CDH2: variants seen among roughly 807,000 people sequenced by gnomAD.
CDH2 encodes cadherin 2.
CDH2 carries 17 observed loss-of-function variants against 92.0 expected under a neutral mutation model. The ratio of observed to expected loss-of-function variants is 0.18; its 90% CI spans 0.13 to 0.28. CDH2 has a LOEUF of 0.28. Ranked by LOEUF, CDH2 falls within the 10% of genes least tolerant of loss-of-function variation. The pLI, the probability that CDH2 is intolerant of heterozygous loss-of-function variation, is 1.00. For missense variants in CDH2, 862 were observed against 1,133.1 expected (o/e 0.76, Z 3.44); for synonymous variants, 419 against 415.9 (o/e 1.01, Z -0.09).
At chr18:28,089,951 T>C (rs1258884020) in intron 2 of CDH2, among the ~76,000 whole-genome samples, 1 of 152,188 alleles carries the variant, frequency 6.6e-6, no homozygotes, top group Non-Finnish European at 1.5e-5. Flanking sequence ...TGAATTATGC[T>C]CTTATAAACT....
At chr18:28,005,598 C>G (rs1434787935) in intron 6 of CDH2, among the ~76,000 whole-genome samples, 1 of 152,082 alleles carries the variant, frequency 6.6e-6, no homozygotes, top group Admixed American at 6.5e-5. Context: ...AGGACAGAAT[C>G]AAATACTGTA....
chr18:28,030,756 C>T (rs2013673978), intron 2 of CDH2, among the ~76,000 whole-genome samples: 1 of 151,854 alleles, frequency 6.6e-6, no homozygotes, highest in African/African-American at 2.4e-5. Context: ...GAGATGAAAA[C>T]AAAAATCTTA....
intron 6 of CDH2, among the ~76,000 whole-genome samples, chr18:27,941,131 G>A (rs537361171): frequency 6.6e-6 from 1 of 151,358 alleles, no homozygotes. Context: ...TGCCTCCCGG[G>A]TTCACGCCAT....
intron 13 of CDH2, among the ~76,000 whole-genome samples, chr18:27,984,211 A>G (rs1426617049): frequency 6.6e-6 from 1 of 152,228 alleles, no homozygotes; most frequent in Non-Finnish European, 1.5e-5. Context: ...AAAACATAAA[A>G]GAAATGGCCA....
chr18:28,113,008 C>T lies in CDH2; in HGVS notation c.172+34665G>A, dbSNP rs145256650. 4.0e-3 allele frequency among the ~76,000 whole-genome samples: 608 copies of T among 152,204 alleles called. 7 individuals are homozygous for T. The highest frequency in any genetic ancestry group is 0.014 in the African/African-American group (589 of 41,526). On this transcript the variant is annotated intron_variant, in intron 2 of 15. Transcript: ENST00000269141. ...AGAATGCCAGGGGGGTAGGTAAATG[C>T]ACTGGGAAGTATGTGTGGACTATGA...
At chr18:28,089,240 C>A (rs1200698718) in intron 2 of CDH2, among the ~76,000 whole-genome samples, 1 of 152,056 alleles carries the variant, frequency 6.6e-6, no homozygotes, top group African/African-American at 2.4e-5. Context: ...GATGAGGACA[C>A]CATCAAATGA....
intron 2 of CDH2, among the ~76,000 whole-genome samples, chr18:28,114,984 A>G (rs2015472640): frequency 6.6e-6 from 1 of 152,120 alleles, no homozygotes; most frequent in South Asian, 2.1e-4. Flanking sequence ...GTTGTTCTCA[A>G]CCGTTTTCTT....
At chr18:28,095,165 T>G (rs376607366) in intron 2 of CDH2, among the ~76,000 whole-genome samples, 1 of 152,238 alleles carries the variant, frequency 6.6e-6, no homozygotes, top group East Asian at 1.9e-4. Flanking sequence ...CTTTTTCATA[T>G]GTATATGCTC....
intron 2 of CDH2, among the ~76,000 whole-genome samples, chr18:28,108,783 A>G (rs1419989671): frequency 1.3e-5 from 2 of 152,062 alleles, no homozygotes; most frequent in Non-Finnish European, 2.9e-5. Context: ...ACCTAAAAAA[A>G]AAAAAAAGAC....
chr18:28,156,040 GTTTT>G (rs45591038), intron 1 of CDH2, among the ~76,000 whole-genome samples: 2 of 152,098 alleles, frequency 1.3e-5, no homozygotes, highest in African/African-American at 4.8e-5. Context: ...TCTTGCATGG[GTTTT>G]TTAACTCTTT....
intron 11 of CDH2, 110 bp downstream of exon 11, chr18:27,988,414 A>G (rs1228230283): frequency 2.3e-6 from 2 of 884,426 alleles, no homozygotes; most frequent in Non-Finnish European, 3.5e-6. Flanking sequence ...CGGAATTATA[A>G]AAGTCAGTTT....
At chr18:28,003,205 C>T (rs781439175) in intron 6 of CDH2, 36 bp from the exon 7 acceptor site, 4 of 1,523,320 alleles carry the variant, frequency 2.6e-6, no homozygotes, top group East Asian at 2.3e-5. Context: ...AATGGTTACC[C>T]TTCATTCCAG....
At chr18:28,066,895 T>A (rs953358398) in intron 2 of CDH2, among the ~76,000 whole-genome samples, 1 of 152,140 alleles carries the variant, frequency 6.6e-6, no homozygotes, top group Admixed American at 6.6e-5. Flanking sequence ...AAGTAAATTT[T>A]AAGTAAAACT....
intron 2 of CDH2, among the ~76,000 whole-genome samples, chr18:28,137,772 A>C (rs908459139): frequency 1.3e-5 from 2 of 152,026 alleles, no homozygotes; most frequent in African/African-American, 4.8e-5. Flanking sequence ...AGAAATATAT[A>C]ATTTTTATTT....
chr18:28,155,426 T>G (rs571036430), intron 1 of CDH2, among the ~76,000 whole-genome samples: 2 of 152,342 alleles, frequency 1.3e-5, no homozygotes, highest in East Asian at 3.9e-4. Flanking sequence ...CTCTTTGTTC[T>G]GTAAGTAACT....
In CDH2 at chr18:28,013,851, T is replaced by A. The variant is rs148115828; in HGVS notation, c.231A>T (p.Ala77=). ...TGCCATCTTCATCCACCTTAAAATC[T>A]GCAGGCTCACTGCTCTCATATTGTA... is the stretch of plus-strand genomic sequence containing the variant. ...RKVQYESSEP[A]DFKVDEDGMV... The change falls in exon 3 of 16, where the codon GCA becomes GCT. Residue 77 remains alanine (A), a synonymous_variant. Transcript: ENST00000269141. The A allele has an allele frequency of 1.7e-4, 278 of 1,614,028 alleles. No individual in the cohort carries two copies. Among genetic ancestry groups the A allele is most frequent in the Non-Finnish European group, 2.2e-4 (257 of 1,179,956 alleles).
intron 2 of CDH2, among the ~76,000 whole-genome samples, chr18:28,040,238 C>T (rs759657634): frequency 6.6e-6 from 1 of 152,106 alleles, no homozygotes. Context: ...AGAGAACCAC[C>T]CCAGAATTCT....
Position 28,138,693 on chromosome 18 carries a change from C to G in CDH2, c.172+8980G>C, listed in dbSNP as rs2015903874. Among the ~76,000 whole-genome samples the G allele has an allele frequency of 5.9e-5, 9 of 152,048 alleles. No homozygotes were observed. The South Asian group carries it at 1.9e-3, about 31-fold the overall frequency. Reference sequence around the variant, plus strand: ...TCTGTTGACCACTATTGCGCAGTTCCTTGAGAAAGGCCTGCCACATGATCA... The same window carrying G: ...TCTGTTGACCACTATTGCGCAGTTCGTTGAGAAAGGCCTGCCACATGATCA... On this transcript the variant is annotated intron_variant, in intron 2 of 15. Coordinates refer to ENST00000269141, the MANE Select transcript of CDH2 (RefSeq NM_001792.5).
intron 2 of CDH2, among the ~76,000 whole-genome samples, chr18:28,048,438 A>C (rs2144121653): frequency 6.6e-6 from 1 of 152,342 alleles, no homozygotes; most frequent in South Asian, 2.1e-4. Flanking sequence ...ATACAGAAAC[A>C]ACTCTGCAAA....
Sources: allele counts gnomAD v4.1 joint callset (sites outside exome capture counted in the v4.1 genomes callset), GRCh38; gene constraint gnomAD v4.1.1; transcripts MANE v1.5; gene names NCBI Gene and HGNC (gene_info 2026-07-23, HGNC 2026-07-21).